The following ASXL3 variants were observed in gnomAD, a reference collection of about 807,000 sequenced individuals.
ASXL3 encodes the protein ASXL transcriptional regulator 3.
A neutral mutation model predicts 170.6 loss-of-function variants in ASXL3; 34 were observed. The ratio of observed to expected loss-of-function variants is 0.20; its 90% CI spans 0.15 to 0.27. The LOEUF is 0.27. Among genes scored for constraint, ASXL3 ranks in the 10% least tolerant of loss-of-function variants. ASXL3 has a pLI of 1.00. For missense variants in ASXL3, 2,592 were observed against 2,695.3 expected (o/e 0.96, Z 0.85); for synonymous variants, 1,002 against 989.1 (o/e 1.01, Z -0.24).
intron 10 of ASXL3, among the ~76,000 whole-genome samples, chr18:33,734,741 A>T (rs886842236): frequency 6.6e-6 from 1 of 152,182 alleles, no homozygotes; most frequent in Non-Finnish European, 1.5e-5. Context: ...TCATGAATTA[A>T]TGCTTTATAG....
At chr18:33,644,659 C>T (rs969041224) in intron 2 of ASXL3, among the ~76,000 whole-genome samples, 1 of 151,746 alleles carries the variant, frequency 6.6e-6, no homozygotes, top group Admixed American at 6.6e-5. Flanking sequence ...AGACTTTTGC[C>T]TGAAGCCTTA....
chr18:33,645,090 T>C (rs1027442989), intron 3 of ASXL3, 88 bp downstream of exon 3: 3 of 802,346 alleles, frequency 3.7e-6, no homozygotes, highest in Non-Finnish European at 5.8e-6. Context: ...ATTTGAAGAG[T>C]AGAAGAATGA....
chr18:33,643,124 T>C (rs909752286), intron 2 of ASXL3, among the ~76,000 whole-genome samples: 5 of 151,908 alleles, frequency 3.3e-5, no homozygotes, highest in African/African-American at 1.2e-4. Flanking sequence ...TTCTGACAGT[T>C]CTACTAAATT....
chr18:33,688,318 T>C (rs1314600468), intron 8 of ASXL3, among the ~76,000 whole-genome samples: 1 of 152,142 alleles, frequency 6.6e-6, no homozygotes. Context: ...GATACACAGG[T>C]TGGAGTAGAT....
At chr18:33,736,144 G>A (rs1000713738) in intron 10 of ASXL3, among the ~76,000 whole-genome samples, 8 of 152,044 alleles carry the variant, frequency 5.3e-5, no homozygotes, top group Non-Finnish European at 8.8e-5. Context: ...CTTGCTTGGG[G>A]TCTTAATCCT....
intron 1 of ASXL3, among the ~76,000 whole-genome samples, chr18:33,590,469 G>T (rs2065068891): frequency 6.6e-6 from 1 of 152,134 alleles, no homozygotes; most frequent in South Asian, 2.1e-4. Flanking sequence ...CAGATGGAAA[G>T]TATGCTGGAA....
At chr18:33,628,730 T>A (rs369765613) in intron 2 of ASXL3, among the ~76,000 whole-genome samples, 3 of 139,732 alleles carry the variant, frequency 2.1e-5, no homozygotes, top group African/African-American at 7.7e-5. Context: ...CTTTTTTTGT[T>A]TTTAATGTGT....
At chr18:33,731,908 C>T (rs139327492) in intron 8 of ASXL3, 60 bp from the exon 9 acceptor site, 2 of 1,425,148 alleles carry the variant, frequency 1.4e-6, no homozygotes, top group African/African-American at 2.8e-5. Flanking sequence ...TTCTTTCCTG[C>T]ATACTTTTGC....
chr18:33,738,998 G>A lies in ASXL3; in HGVS notation c.1594G>A (p.Val532Ile). The change falls in exon 11 of 12, where the codon GTT becomes ATT. Residue 532 changes from valine to isoleucine, a missense_variant. This residue lies in a region of ASXL3 where 2,246 missense variants were observed against 2,219.6 expected (regional missense o/e 1.01). Transcript: ENST00000269197. ...KSESPQEEMT[V>I]VIDQLEVCDS... The stretch of plus-strand genomic sequence containing the variant: ...AGAATCACCCCAGGAAGAAATGACA[G>A]TTGTTATCGATCAGTTAGAAGTCTG... The A allele has an allele frequency of 6.2e-7, 1 of 1,613,724 alleles. No homozygotes were observed. Among genetic ancestry groups the A allele is most frequent in the Non-Finnish European group, 8.5e-7 (1 of 1,179,798 alleles).
chr18:33,736,233 A>G (rs963960701), intron 10 of ASXL3, among the ~76,000 whole-genome samples: 1 of 152,130 alleles, frequency 6.6e-6, no homozygotes, highest in Non-Finnish European at 1.5e-5. Context: ...TCCCTTGGAT[A>G]TCAGATCTAG....
Position 33,748,046 on chromosome 18 carries a change from AT to A in ASXL3, c.*1453del, listed in dbSNP as rs1726269369. On this transcript the variant is annotated 3_prime_UTR_variant, in exon 12 of 12. Coordinates refer to ENST00000269197, the MANE Select transcript of ASXL3 (RefSeq NM_030632.3). ...ACCAACCATGCCCATTTAACTTCAG[AT>A]TACAGAGCACAAAATGTGGAGTGCC... The A allele has an allele frequency of 6.6e-6, 1 of 152,138 alleles. No individual in the cohort carries two copies. Among genetic ancestry groups the A allele is most frequent in the African/African-American group, 2.4e-5 (1 of 41,434 alleles). 9.4% of individuals were successfully genotyped at this position (152,138 alleles called of 1,614,324 possible). A position where few individuals can be genotyped will look rare whatever the true frequency, so the allele number is the denominator to read the frequency against.
chr18:33,664,195 C>T (rs778774405), intron 5 of ASXL3, among the ~76,000 whole-genome samples: 94 of 152,034 alleles, frequency 6.2e-4, no homozygotes, highest in Non-Finnish European at 1.0e-3. Context: ...AACTAAGACC[C>T]AAGTCAGGTA....
chr18:33,640,852 T>TCA (rs35280883), intron 2 of ASXL3, among the ~76,000 whole-genome samples: 93,078 of 151,538 alleles, frequency 0.61, 29,381 homozygotes, highest in East Asian at 0.89. Flanking sequence ...TTGAATTTGT[T>TCA]GTTTTTATGC....
At chr18:33,579,491 A>G (rs535152732) in intron 1 of ASXL3, among the ~76,000 whole-genome samples, 1 of 151,820 alleles carries the variant, frequency 6.6e-6, no homozygotes, top group Non-Finnish European at 1.5e-5. Context: ...CTTTTCTTTA[A>G]CCTTTCGGAG....
chr18:33,691,621 TGAAA>T (rs538731271), intron 8 of ASXL3, among the ~76,000 whole-genome samples: 78 of 152,308 alleles, frequency 5.1e-4, no homozygotes, highest in Admixed American at 2.3e-3. Flanking sequence ...GTTCCTATCC[TGAAA>T]GAGAGAATTG....
chr18:33,648,182 G>A (rs1336844639), intron 4 of ASXL3, among the ~76,000 whole-genome samples: 1 of 152,112 alleles, frequency 6.6e-6, no homozygotes, highest in Admixed American at 6.6e-5. Flanking sequence ...CCACATGTAG[G>A]TTTTAGCAGG....
intron 7 of ASXL3, among the ~76,000 whole-genome samples, chr18:33,674,481 T>C (rs183256670): frequency 2.1e-3 from 313 of 152,306 alleles, no homozygotes; most frequent in Non-Finnish European, 3.5e-3. Context: ...ATCAAGCAGC[T>C]GAATGGAATG....
At chr18:33,742,763 G>A in intron 11 of ASXL3, 125 bp from the exon 12 acceptor site, 1 of 1,339,418 alleles carries the variant, frequency 7.5e-7, no homozygotes, top group African/African-American at 1.5e-5. Context: ...AGGGATTTAG[G>A]TGTAGTTCAT....
chr18:33,736,156 C>T (rs1312252567), intron 10 of ASXL3, among the ~76,000 whole-genome samples: 2 of 152,078 alleles, frequency 1.3e-5, no homozygotes, highest in Non-Finnish European at 2.9e-5. Context: ...CTTAATCCTG[C>T]AAATCCTTCT....
Sources: allele counts gnomAD v4.1 joint callset (sites outside exome capture counted in the v4.1 genomes callset), GRCh38; gene constraint gnomAD v4.1.1; regional missense constraint gnomAD v4.1.1; transcripts MANE v1.5; gene names NCBI Gene and HGNC (gene_info 2026-07-23, HGNC 2026-07-21).